The following SOBP variants were observed in gnomAD, a reference collection of about 807,000 sequenced individuals.
The protein encoded by SOBP is sine oculis-binding protein homolog.
Under a neutral mutation model 53.6 loss-of-function variants are expected in SOBP, and 4 were observed. The ratio of observed to expected loss-of-function variants is 0.07; its 90% CI spans 0.04 to 0.17. The LOEUF is 0.17. SOBP is among the 10% of genes least tolerant of loss of function. The pLI is 1.00. For missense variants in SOBP, 1,088 were observed against 1,204.7 expected, an observed-to-expected ratio of 0.90 and a Z score of 1.43; for synonymous variants, 584 against 522.6, an observed-to-expected ratio of 1.12 and a Z score of -1.60.
chr6:107,621,508 C>T (rs1770173037), intron 5 of SOBP, among the ~76,000 whole-genome samples: 1 of 152,230 alleles, frequency 6.6e-6, no homozygotes, highest in South Asian at 2.1e-4. Context: ...CAGTCCAGCA[C>T]ATCCCTCCCA....
chr6:107,638,211 A>ATTT (rs1583300613), intron 6 of SOBP, among the ~76,000 whole-genome samples: 1 of 150,904 alleles, frequency 6.6e-6, no homozygotes, highest in East Asian at 1.9e-4. Flanking sequence ...TTATTTATTT[A>ATTT]GTTATTTATT....
At chr6:107,494,736 A>T (rs911341633) in intron 1 of SOBP, among the ~76,000 whole-genome samples, 14 of 152,238 alleles carry the variant, frequency 9.2e-5, no homozygotes, top group African/African-American at 3.4e-4. Context: ...GTCTATAAAT[A>T]TTCTCAGTAA....
In SOBP at chr6:107,542,166, G is replaced by A. The variant is rs3923843; in HGVS notation, c.573+8556G>A. Among the ~76,000 whole-genome samples the A allele has an allele frequency of 1.8e-3, 280 of 152,246 alleles. 2 individuals are homozygous for A. The highest frequency in any genetic ancestry group is 3.4e-3 in the Non-Finnish European group (229 of 68,014). Reference sequence around the variant, plus strand: ...AAAAAGTGCTATAATAAAAAGCAGAGTGAGGGAGAGGGCTAGTGAAGGGCT... The same window carrying A: ...AAAAAGTGCTATAATAAAAAGCAGAATGAGGGAGAGGGCTAGTGAAGGGCT... On this transcript the variant is annotated intron_variant, in intron 4 of 6. Coordinates refer to ENST00000317357, the MANE Select transcript of SOBP (RefSeq NM_018013.4).
chr6:107,645,355 C>T (rs1771507590), intron 6 of SOBP, among the ~76,000 whole-genome samples: 1 of 152,088 alleles, frequency 6.6e-6, no homozygotes, highest in African/African-American at 2.4e-5. Flanking sequence ...ATTTATTTCC[C>T]TAGAGGGTAA....
At chr6:107,616,826 C>G (rs570394545) in intron 5 of SOBP, among the ~76,000 whole-genome samples, 5 of 152,160 alleles carry the variant, frequency 3.3e-5, no homozygotes, top group African/African-American at 7.2e-5. Context: ...TTTAGACAGC[C>G]CTTGGCTGTC....
At chr6:107,519,505 T>TA (rs889162597) in intron 3 of SOBP, among the ~76,000 whole-genome samples, 1 of 152,148 alleles carries the variant, frequency 6.6e-6, no homozygotes, top group African/African-American at 2.4e-5. Context: ...TTCTGAAAGT[T>TA]ACTTGCCTCG....
rs779707865 is a variant in SOBP, at chr6:107,634,269, G to A, written c.1425G>A (p.Leu475=). Residue 475 remains leucine (L), a synonymous_variant, in exon 6 of 7, where the codon CTG becomes CTA. Coordinates refer to ENST00000317357, the MANE Select transcript of SOBP (RefSeq NM_018013.4). The surrounding 1 kb of genome is among the most constrained non-coding windows in gnomAD (Gnocchi z 4.5). ...TPTMPGNPPG[L]LPPPPPGAPL... Reference sequence around the variant, plus strand: ...CCATGCCCGGGAACCCCCCAGGCCTGCTGCCCCCGCCGCCTCCGGGCGCCC... The same window carrying A: ...CCATGCCCGGGAACCCCCCAGGCCTACTGCCCCCGCCGCCTCCGGGCGCCC... The A allele has an allele frequency of 6.4e-7, 1 of 1,554,720 alleles. No individual in the cohort carries two copies. The highest frequency in any genetic ancestry group is 1.2e-5 in the South Asian group (1 of 86,198).
intron 5 of SOBP, among the ~76,000 whole-genome samples, chr6:107,603,952 G>T (rs1018717322): frequency 8.5e-5 from 13 of 152,266 alleles, no homozygotes; most frequent in Middle Eastern, 3.4e-3. Context: ...GGCATCCTTT[G>T]TTGGTGGCAT....
chr6:107,568,767 C>T (rs577757843), intron 4 of SOBP, among the ~76,000 whole-genome samples: 209 of 152,264 alleles, frequency 1.4e-3, no homozygotes, highest in African/African-American at 4.9e-3. Flanking sequence ...TCTGTGCCTT[C>T]GGTCAGATCA....
At chr6:107,491,459 TG>T (rs1782579535) in intron 1 of SOBP, among the ~76,000 whole-genome samples, 1 of 152,256 alleles carries the variant, frequency 6.6e-6, no homozygotes, top group African/African-American at 2.4e-5. Context: ...TCGGCGAGGC[TG>T]GGCTCCCCGC....
rs529959813 is a variant in SOBP at position 107,490,328 on chromosome 6, TGCGGCG to T, written c.-274_-269del. On this transcript the variant is annotated 5_prime_UTR_variant, in exon 1 of 7. Coordinates refer to ENST00000317357, the MANE Select transcript of SOBP (RefSeq NM_018013.4). ...CAGCGGCAGCAGCGGCGGCGTTGGC[TGCGGCG>T]GCGGCGGCGGCGGCAGCAGGAGCCG... is the stretch of plus-strand genomic sequence containing the variant. 3.0e-4 allele frequency: 45 copies of T among 151,434 alleles called. No individual in the cohort carries two copies. The highest frequency in any genetic ancestry group is 3.6e-4 in the South Asian group (2 of 5,540). 9.4% of individuals were successfully genotyped at this position (151,434 alleles called of 1,614,324 possible). A position where few individuals can be genotyped will look rare whatever the true frequency, so the allele number is the denominator to read the frequency against.
chr6:107,585,983 G>A (rs1785553573), intron 4 of SOBP, among the ~76,000 whole-genome samples: 1 of 152,086 alleles, frequency 6.6e-6, no homozygotes, highest in East Asian at 1.9e-4. Flanking sequence ...ATAACAACAG[G>A]TAGTTCTCAG....
intron 4 of SOBP, among the ~76,000 whole-genome samples, chr6:107,540,409 A>G (rs1169581345): frequency 6.6e-6 from 1 of 152,282 alleles, no homozygotes. Context: ...ATCTTGCTAC[A>G]GATGGTCACT....
At chr6:107,496,094 G>A (rs1041670389) in intron 1 of SOBP, among the ~76,000 whole-genome samples, 1 of 152,190 alleles carries the variant, frequency 6.6e-6, no homozygotes, top group Non-Finnish European at 1.5e-5. Flanking sequence ...GTATATTTTA[G>A]GATCTGTAGA....
chr6:107,515,822 A>G (rs1783303039), intron 3 of SOBP, among the ~76,000 whole-genome samples: 1 of 152,190 alleles, frequency 6.6e-6, no homozygotes, highest in African/African-American at 2.4e-5. Context: ...ATTATAGCAA[A>G]CCAAAGCCAA....
intron 4 of SOBP, among the ~76,000 whole-genome samples, chr6:107,580,608 G>A (rs955219281): frequency 1.3e-5 from 2 of 152,192 alleles, no homozygotes; most frequent in East Asian, 1.9e-4. Flanking sequence ...CAGAAACAGG[G>A]AACAAGGTGC....
chr6:107,634,152 C>T lies in SOBP; in HGVS notation c.1308C>T (p.Pro436=), dbSNP rs778405726. Reference sequence around the variant, plus strand: ...ACCCCATGCTTCCCGGCATCGGGCCCCCGCCCGGTGGCCCCAGAAACCTGG... The same window carrying T: ...ACCCCATGCTTCCCGGCATCGGGCCTCCGCCCGGTGGCCCCAGAAACCTGG... ...LSNPMLPGIG[P]PPGGPRNLGP... The change falls in exon 6 of 7, where the codon CCC becomes CCT. Residue 436 remains proline (P), a synonymous_variant. Transcript: ENST00000317357. The surrounding 1 kb of genome is among the most constrained non-coding windows in gnomAD (Gnocchi z 4.5). 1 of 1,611,610 alleles carries T rather than the reference C, an allele frequency of 6.2e-7. No homozygotes were observed. The highest frequency in any genetic ancestry group is 2.2e-5 in the East Asian group (1 of 44,836).
At chr6:107,592,998 TTGAGTCA>T (rs1262489610) in intron 5 of SOBP, among the ~76,000 whole-genome samples, 1 of 152,232 alleles carries the variant, frequency 6.6e-6, no homozygotes, top group Non-Finnish European at 1.5e-5. Context: ...TGGATTCCAC[TTGAGTCA>T]TATTTCATCT....
intron 1 of SOBP, among the ~76,000 whole-genome samples, chr6:107,494,533 T>G (rs1248873909): frequency 6.6e-6 from 1 of 152,206 alleles, no homozygotes; most frequent in Non-Finnish European, 1.5e-5. Flanking sequence ...GAGTAGAGAT[T>G]ATGAGTTCAA....
Sources: allele counts gnomAD v4.1 joint callset (sites outside exome capture counted in the v4.1 genomes callset), GRCh38; gene constraint gnomAD v4.1.1; non-coding constraint Gnocchi (gnomAD v3.1); transcripts MANE v1.5; gene names NCBI Gene and HGNC (gene_info 2026-07-23, HGNC 2026-07-21).